SMIM7: variants seen among roughly 807,000 people sequenced by gnomAD.
The protein encoded by SMIM7 is small integral membrane protein 7, also known as UPF0608 protein C19orf42.
In SMIM7, 12 loss-of-function variants were observed where a neutral mutation model predicts 13.3. The observed-to-expected ratio is 0.90, with a 90% CI of 0.58 to 1.46. SMIM7 has a LOEUF of 1.46. SMIM7 is among the 40% of genes most tolerant of loss of function. The pLI, the probability that SMIM7 is intolerant of heterozygous loss-of-function variation, is 0.00. For synonymous variants in SMIM7, 36 were observed against 35.8 expected, an observed-to-expected ratio of 1.01 and a Z score of -0.02; for missense variants, 114 against 94.8, an observed-to-expected ratio of 1.20 and a Z score of -0.84.
At position 16,647,051 on chromosome 19, in the gene SMIM7, A is replaced by C; in HGVS notation, c.*195T>G. The C allele has an allele frequency of 1.5e-6, 1 of 672,258 alleles. No homozygotes were observed. Among genetic ancestry groups the C allele is most frequent in the South Asian group, 1.9e-5 (1 of 52,650 alleles). The allele number at this position is 672,258 out of a possible 1,614,324, so 41.6% of individuals were successfully genotyped here. On this transcript the variant is annotated 3_prime_UTR_variant, in exon 5 of 5. Coordinates refer to ENST00000487416, the MANE Select transcript of SMIM7 (RefSeq NM_024104.4). ...GCATTTCAATTCAGAGACCAAAGTG[A>C]AACTATCTTTGAAAACAGGGACGTG...
At chr19:16,650,392 T>C (rs2086508828) in intron 4 of SMIM7, among the ~76,000 whole-genome samples, 1 of 152,202 alleles carries the variant, frequency 6.6e-6, no homozygotes, top group South Asian at 2.1e-4. Flanking sequence ...TCTTAAACTT[T>C]CCAAAGCTCA....
intron 4 of SMIM7, among the ~76,000 whole-genome samples, chr19:16,635,883 C>CAAAAAAAAAAAAAAAA (rs1207972448): frequency 1.2e-5 from 1 of 80,524 alleles, no homozygotes; most frequent in African/African-American, 6.3e-5. Flanking sequence ...GACCCTGTCT[C>CAAAAAAAAAAAAAAAA]AAAAAAAAAA....
intron 4 of SMIM7, among the ~76,000 whole-genome samples, chr19:16,637,850 C>A (rs1201381232): frequency 6.6e-6 from 1 of 152,216 alleles, no homozygotes; most frequent in East Asian, 1.9e-4. Context: ...TGTCACCTAC[C>A]CATGACTAAA....
At chr19:16,633,222 A>T (rs2086334583) in intron 4 of SMIM7, among the ~76,000 whole-genome samples, 2 of 151,536 alleles carry the variant, frequency 1.3e-5, no homozygotes, top group Non-Finnish European at 2.9e-5. Context: ...TTTGGGAGGC[A>T]GAAGTGGATG....
downstream of SMIM7, chr19:16,644,955 A>C (rs1010585997): frequency 2.0e-5 from 3 of 152,184 alleles, no homozygotes; most frequent in African/African-American, 7.2e-5. Flanking sequence ...TGGAGAGGAG[A>C]AAGCAATTAG....
At chr19:16,642,745 G>A (rs932232835), downstream of SMIM7, among the ~76,000 whole-genome samples, 1 of 151,998 alleles carries the variant, frequency 6.6e-6, no homozygotes, top group Admixed American at 6.6e-5. Flanking sequence ...TTGGGAGACT[G>A]AGGTGGGAGG....
At chr19:16,642,088 ACATTGT>A (rs2086408335), downstream of SMIM7, among the ~76,000 whole-genome samples, 1 of 152,214 alleles carries the variant, frequency 6.6e-6, no homozygotes, top group Non-Finnish European at 1.5e-5. Flanking sequence ...TAGGTGCTGT[ACATTGT>A]GGCCTTCTCT....
At chr19:16,643,572 T>C (rs1428603240), downstream of SMIM7, among the ~76,000 whole-genome samples, 1 of 152,108 alleles carries the variant, frequency 6.6e-6, no homozygotes, top group Non-Finnish European at 1.5e-5. Context: ...AATATATGTA[T>C]GTTTAGTAGA....
chr19:16,658,418 A>G (rs1026458325), intron 3 of SMIM7, among the ~76,000 whole-genome samples: 7 of 152,230 alleles, frequency 4.6e-5, no homozygotes, highest in Admixed American at 6.5e-5. Flanking sequence ...TAGTTACACA[A>G]TCAAATTCAG....
downstream of SMIM7, chr19:16,641,222 G>A (rs2086401446): frequency 6.6e-6 from 1 of 151,488 alleles, no homozygotes; most frequent in Non-Finnish European, 1.5e-5. Context: ...CCACTTTGAA[G>A]TTATAGTATG....
At chr19:16,649,963 T>C (rs1017500599) in intron 4 of SMIM7, among the ~76,000 whole-genome samples, 1 of 152,070 alleles carries the variant, frequency 6.6e-6, no homozygotes, top group African/African-American at 2.4e-5. Flanking sequence ...TGCCAGGGAC[T>C]AAGGGAGGGG....
chr19:16,652,469 T>C (rs2086539423), intron 4 of SMIM7: 2 of 926,496 alleles, frequency 2.2e-6, no homozygotes, highest in African/African-American at 1.8e-5. Context: ...CCCAAAGTAC[T>C]GGGATTACAG....
downstream of SMIM7, among the ~76,000 whole-genome samples, chr19:16,641,849 G>A (rs374064743): frequency 1.2e-4 from 18 of 152,230 alleles, no homozygotes; most frequent in East Asian, 2.3e-3. Flanking sequence ...CCAAAGTGTG[G>A]GGATTACAGT....
At chr19:16,645,032 G>A (rs542498926), downstream of SMIM7, 6 of 152,282 alleles carry the variant, frequency 3.9e-5, no homozygotes, top group East Asian at 9.7e-4. Context: ...CAGAACATTA[G>A]TGCTTAAACA....
intron 2 of SMIM7, 70 bp downstream of exon 2, chr19:16,659,889 A>G: frequency 6.5e-7 from 1 of 1,541,662 alleles, no homozygotes; most frequent in Non-Finnish European, 8.7e-7. Flanking sequence ...AAGTGCGCCG[A>G]GATCACGCTT....
At chr19:16,655,447 G>A (rs539120863) in intron 3 of SMIM7, 70 of 454,036 alleles carry the variant, frequency 1.5e-4, no homozygotes, top group South Asian at 9.3e-4. Context: ...TCAGGAGGCC[G>A]AGGCAGGCAG....
At chr19:16,649,524 G>C (rs748603667) in intron 4 of SMIM7, among the ~76,000 whole-genome samples, 11 of 152,164 alleles carry the variant, frequency 7.2e-5, no homozygotes, top group Non-Finnish European at 1.2e-4. Context: ...AGTGAGCTGA[G>C]AACGTGCCAC....
Position 16,633,711 on chromosome 19 carries a change from A to G in SMIM7, c.*138-1987T>C, listed in dbSNP as rs200468986. The G allele has an allele frequency of 1.1e-4, 16 of 152,270 alleles. No individual in the cohort carries two copies. The East Asian group carries it at 2.9e-3, about 28-fold the overall frequency. The allele number at this position is 152,270 out of a possible 1,614,324, so 9.4% of individuals were successfully genotyped here. ...ACACTCTGGCCTGGGTGACAGAGCA[A>G]GATCCCGTCTCTTACAACAAAAATA... On this transcript the variant is annotated intron_variant and NMD_transcript_variant, in intron 4 of 4. Transcript: ENST00000465250.
chr19:16,659,956 C>CA lies in SMIM7; in HGVS notation c.68+2dup. On this transcript the variant is annotated splice_region_variant and intron_variant, in intron 2 of 4. Coordinates refer to ENST00000487416, the MANE Select transcript of SMIM7 (RefSeq NM_024104.4). The stretch of plus-strand genomic sequence containing the variant: ...AGCCGCAGTCCGGCCGCGACCTACT[C>CA]ACAGCTTAAAGTTCAGCACCGCCCC... The CA allele has an allele frequency of 6.2e-7, 1 of 1,610,798 alleles. No homozygotes were observed. Among genetic ancestry groups the CA allele is most frequent in the Non-Finnish European group, 8.5e-7 (1 of 1,179,102 alleles).
Sources: allele counts gnomAD v4.1 joint callset (sites outside exome capture counted in the v4.1 genomes callset), GRCh38; gene constraint gnomAD v4.1.1; transcripts MANE v1.5; gene names NCBI Gene and HGNC (gene_info 2026-07-23, HGNC 2026-07-21).